Variants in FAM3D observed in about 807,000 individuals in gnomAD.
FAM3D encodes the protein protein FAM3D.
Under a neutral mutation model 29.8 loss-of-function variants are expected in FAM3D, and 26 were observed. The observed-to-expected ratio is 0.87, with a 90% CI of 0.64 to 1.21. The LOEUF is 1.21. FAM3D is among the 50% of genes most tolerant of loss of function. The pLI is 0.00. For missense variants in FAM3D, 253 were observed against 290.9 expected (o/e 0.87, Z 0.95); for synonymous variants, 115 against 102.3 (o/e 1.12, Z -0.75).
chr3:58,659,867 G>A (rs1229127371), intron 1 of FAM3D, among the ~76,000 whole-genome samples: 4 of 152,142 alleles, frequency 2.6e-5, no homozygotes, highest in Non-Finnish European at 4.4e-5. Flanking sequence ...CAGACTCTAG[G>A]ACCTAACTAG....
At position 58,634,099 on chromosome 3, in the gene FAM3D, A is replaced by G. The variant is rs1026287715; in HGVS notation, c.*180T>C. 3 of 560,550 alleles carry G rather than the reference A, an allele frequency of 5.4e-6. No individual in the cohort carries two copies. The highest frequency in any genetic ancestry group is 1.9e-5 in the African/African-American group (1 of 51,296). The allele number at this position is 560,550 out of a possible 1,614,324, so 34.7% of individuals were successfully genotyped here. A position where few individuals can be genotyped will look rare whatever the true frequency, so the allele number is the denominator to read the frequency against. ...ACCCTCTGAGGCTGGTCTTCCGGGT[A>G]GGATGTGCTGTGGGAGGGTTCTGTT... On this transcript the variant is annotated 3_prime_UTR_variant, in exon 10 of 10. Coordinates refer to ENST00000358781, the MANE Select transcript of FAM3D (RefSeq NM_138805.3). The surrounding 1 kb of genome is among the most constrained non-coding windows in gnomAD (Gnocchi z 4.6).
rs150004904 is a variant in FAM3D, at chr3:58,649,331, C to T, written c.129G>A (p.Ser43=). 2.7e-5 allele frequency: 43 copies of T among 1,612,654 alleles called. No homozygotes were observed. The highest frequency in any genetic ancestry group is 1.6e-4 in the Middle Eastern group (1 of 6,076). ...TIRLPRWLAA[S]PTKEIQVKKY... is the part of the protein sequence containing the mutation. The stretch of plus-strand genomic sequence containing the variant: ...GATACTCACGGATCTCCTTGGTGGG[C>T]GAGGCTGCTGGAGAGAAGACAGAAT... The change falls in exon 4 of 10, where the codon TCG becomes TCA. Residue 43 remains serine, a synonymous_variant. Transcript: ENST00000358781.
intron 3 of FAM3D, 109 bp from the exon 4 acceptor site, chr3:58,649,447 C>A: frequency 7.4e-7 from 1 of 1,352,274 alleles, no homozygotes; most frequent in South Asian, 1.3e-5. Context: ...TTTAAATTGG[C>A]GCCATTGAAA....
intron 1 of FAM3D, among the ~76,000 whole-genome samples, chr3:58,659,102 G>T (rs1412563326): frequency 1.3e-5 from 2 of 152,174 alleles, no homozygotes; most frequent in Non-Finnish European, 2.9e-5. Context: ...TTTGTGAAAA[G>T]AAGGTGATGC....
rs944629672 is a variant in FAM3D, at chr3:58,634,687, C to T, written c.586-319G>A. Reference sequence around the variant, plus strand: ...GATAGCAACAATAAAAAGAAGACTCCGACCATGTCTTGAGCGCTTGCTGTA... The same window carrying T: ...GATAGCAACAATAAAAAGAAGACTCTGACCATGTCTTGAGCGCTTGCTGTA... On this transcript the variant is annotated intron_variant, in intron 9 of 9. Coordinates refer to ENST00000358781, the MANE Select transcript of FAM3D (RefSeq NM_138805.3). The surrounding 1 kb of genome is among the most constrained non-coding windows in gnomAD (Gnocchi z 4.6). Among the ~76,000 whole-genome samples, 1 of 152,052 alleles carries T rather than the reference C, an allele frequency of 6.6e-6. No individual in the cohort carries two copies. Among genetic ancestry groups the T allele is most frequent in the Non-Finnish European group, 1.5e-5 (1 of 67,996 alleles).
chr3:58,641,434 G>T (rs1283815929), intron 6 of FAM3D, among the ~76,000 whole-genome samples: 1 of 151,668 alleles, frequency 6.6e-6, no homozygotes, highest in African/African-American at 2.4e-5. Context: ...GAGCTTGGCT[G>T]ACTGCAACCT....
intron 3 of FAM3D, 99 bp downstream of exon 3, chr3:58,653,575 G>T (rs1188857302): frequency 2.6e-6 from 3 of 1,155,778 alleles, no homozygotes; most frequent in African/African-American, 1.5e-5. Flanking sequence ...AGCACAGCTT[G>T]TCATGTCTCC....
chr3:58,643,930 C>T (rs2066406247), intron 5 of FAM3D, among the ~76,000 whole-genome samples: 1 of 152,184 alleles, frequency 6.6e-6, no homozygotes. Context: ...TGGACCAGAA[C>T]AACCTGCTCA....
At chr3:58,638,104 G>A (rs1476149611) in intron 7 of FAM3D, among the ~76,000 whole-genome samples, 3 of 152,150 alleles carry the variant, frequency 2.0e-5, no homozygotes, top group South Asian at 2.1e-4. Context: ...GGCTGGTCTC[G>A]AACTCCCAAC....
chr3:58,656,397 T>G (rs1368192504), intron 1 of FAM3D, among the ~76,000 whole-genome samples: 1 of 152,172 alleles, frequency 6.6e-6, no homozygotes, highest in Non-Finnish European at 1.5e-5. Context: ...CCCCTCTTCA[T>G]CTGTCCTACT....
chr3:58,643,978 T>C (rs1315429148), intron 5 of FAM3D, among the ~76,000 whole-genome samples: 1 of 152,096 alleles, frequency 6.6e-6, no homozygotes, highest in Admixed American at 6.5e-5. Flanking sequence ...CTCTGAGGTG[T>C]TGGAGGTGGG....
intron 1 of FAM3D, among the ~76,000 whole-genome samples, chr3:58,658,659 G>A (rs975587777): frequency 2.6e-5 from 4 of 152,152 alleles, no homozygotes; most frequent in African/African-American, 7.2e-5. Flanking sequence ...ATCCATCATG[G>A]CACCCGCCCT....
intron 6 of FAM3D, among the ~76,000 whole-genome samples, chr3:58,643,188 C>A (rs140117839): frequency 2.2e-4 from 34 of 152,344 alleles, no homozygotes; most frequent in Admixed American, 1.2e-3. Context: ...CTCACGGATA[C>A]CTACGGAGGC....
chr3:58,641,448 C>T (rs1325755589), intron 6 of FAM3D, among the ~76,000 whole-genome samples: 2 of 151,948 alleles, frequency 1.3e-5, no homozygotes, highest in Non-Finnish European at 2.9e-5. Context: ...GCAACCTCGA[C>T]CTCCCAGGCT....
chr3:58,663,921 A>G (rs2066980580), intron 1 of FAM3D, among the ~76,000 whole-genome samples: 1 of 152,180 alleles, frequency 6.6e-6, no homozygotes, highest in Non-Finnish European at 1.5e-5. Flanking sequence ...TGTCCTCGCC[A>G]GAGGAATTCC....
At chr3:58,655,514 A>T in intron 2 of FAM3D, 37 bp downstream of exon 2, 1 of 1,613,046 alleles carries the variant, frequency 6.2e-7, no homozygotes, top group Non-Finnish European at 8.5e-7. Context: ...GACACAGCTG[A>T]CAGAAAAATG....
chr3:58,659,322 C>T (rs2066887835), intron 1 of FAM3D, among the ~76,000 whole-genome samples: 1 of 152,208 alleles, frequency 6.6e-6, no homozygotes, highest in South Asian at 2.1e-4. Flanking sequence ...TTTCTGCCTG[C>T]CGGTCTGTGA....
intron 7 of FAM3D, among the ~76,000 whole-genome samples, chr3:58,637,606 C>A (rs2066212107): frequency 6.6e-6 from 1 of 152,158 alleles, no homozygotes; most frequent in Admixed American, 6.5e-5. Context: ...ATACCCCAGA[C>A]CCCATTCTAC....
At position 58,634,445 on chromosome 3, in the gene FAM3D, T is replaced by G; in HGVS notation, c.586-77A>C. 1 of 1,322,528 alleles carries G rather than the reference T, an allele frequency of 7.6e-7. No individual in the cohort carries two copies. 81.9% of individuals were successfully genotyped at this position (1,322,528 alleles called of 1,614,324 possible). A position where few individuals can be genotyped will look rare whatever the true frequency, so the allele number is the denominator to read the frequency against. On this transcript the variant is annotated intron_variant, in intron 9 of 9. Transcript: ENST00000358781. This position sits in a 1 kb window ranked among gnomAD's most constrained non-coding sequence, Gnocchi z 4.6. ...ACTCATGCCCACATGGACACTGTGC[T>G]CTAAACCTAAATGGGGGTGTGGGAT...
Sources: gnomAD v4.1 joint callset for allele counts (sites outside exome capture counted in the v4.1 genomes callset) on GRCh38, gnomAD v4.1.1 for gene constraint, Gnocchi (gnomAD v3.1) non-coding constraint, MANE v1.5 for transcripts, NCBI Gene and HGNC (gene_info 2026-07-23, HGNC 2026-07-21) for gene names.